Variants in ICAM2 observed in about 807,000 individuals in gnomAD.
ICAM2 encodes ICAM-2.
ICAM2 carries 14 observed loss-of-function variants against 19.1 expected under a neutral mutation model. The observed-to-expected ratio is 0.73, with a 90% confidence interval of 0.48 to 1.15. The LOEUF is 1.15. ICAM2 is among the 50% of genes most tolerant of loss of function. The pLI is 0.00. For missense variants in ICAM2, 311 were observed against 355.4 expected, an observed-to-expected ratio of 0.88 and a Z score of 1.00; for synonymous variants, 153 against 152.7, an observed-to-expected ratio of 1.00 and a Z score of -0.01.
intron 4 of ICAM2, 62 bp from the exon 5 acceptor site, chr17:64,002,987 G>A: frequency 2.0e-6 from 3 of 1,512,546 alleles, no homozygotes; most frequent in Non-Finnish European, 2.7e-6. Context: ...GGGACCAAAA[G>A]GGAGTGGAAG....
chr17:64,005,017 C>G (rs1395540913), intron 3 of ICAM2, 90 bp downstream of exon 3: 1 of 1,451,962 alleles, frequency 6.9e-7, no homozygotes, highest in African/African-American at 1.4e-5. Context: ...TGACAGTGCC[C>G]AGGAGCAGGC....
intron 1 of ICAM2, among the ~76,000 whole-genome samples, chr17:64,015,341 T>G (rs1911679659): frequency 6.6e-6 from 1 of 152,196 alleles, no homozygotes; most frequent in African/African-American, 2.4e-5. Context: ...GGAATTGAAG[T>G]AGATCAAGTC....
At chr17:64,004,340 G>A (rs1598016783) in intron 3 of ICAM2, 3 of 214,832 alleles carry the variant, frequency 1.4e-5, no homozygotes, top group East Asian at 2.3e-4. Flanking sequence ...ACTGGAACTG[G>A]GCACTGGAGG....
At chr17:64,010,210 G>C (rs1012849046) in intron 1 of ICAM2, among the ~76,000 whole-genome samples, 9 of 152,202 alleles carry the variant, frequency 5.9e-5, no homozygotes, top group Non-Finnish European at 1.3e-4. Context: ...CTGCACAGCA[G>C]TGGGCCTACA....
intron 1 of ICAM2, among the ~76,000 whole-genome samples, chr17:64,009,015 C>T (rs887352583): frequency 2.0e-5 from 3 of 152,176 alleles, no homozygotes; most frequent in African/African-American, 4.8e-5. Context: ...TGGGACACAC[C>T]GGGCATGTGA....
intron 2 of ICAM2, 200 bp downstream of exon 2, chr17:64,006,431 G>A (rs1385011435): frequency 2.5e-5 from 14 of 566,670 alleles, no homozygotes; most frequent in Non-Finnish European, 4.1e-5. Flanking sequence ...CGAGCCCAGG[G>A]AGGTGCAGTG....
intron 3 of ICAM2, 112 bp from the exon 4 acceptor site, chr17:64,004,076 G>A (rs1381879148): frequency 4.9e-6 from 4 of 823,994 alleles, no homozygotes; most frequent in Admixed American, 2.6e-5. Context: ...TGGGGAGGAG[G>A]TGGCCTGGCC....
rs190671482 is a variant in ICAM2 at position 64,018,034 on chromosome 17, G to A, written c.-45+2489C>T. ...TTGTCAATCATAAAATCAACAATTG[G>A]TATCTTTGACTAAGATACAAAGAAA... On this transcript the variant is annotated intron_variant, in intron 1 of 4. Coordinates refer to ENST00000579788, the MANE Select transcript of ICAM2 (RefSeq NM_001099789.2). Among the ~76,000 whole-genome samples the A allele has an allele frequency of 1.3e-3, 192 of 152,212 alleles. 1 individual carries two copies. Among genetic ancestry groups the A allele is most frequent in the African/African-American group, 4.3e-3 (178 of 41,526 alleles).
At chr17:64,008,799 T>C (rs1308564882) in intron 1 of ICAM2, among the ~76,000 whole-genome samples, 1 of 152,034 alleles carries the variant, frequency 6.6e-6, no homozygotes, top group Non-Finnish European at 1.5e-5. Context: ...GAAGGTGGGG[T>C]GATCCATGCC....
intron 3 of ICAM2, 161 bp downstream of exon 3, chr17:64,004,946 A>T: frequency 2.6e-6 from 2 of 781,244 alleles, no homozygotes; most frequent in Non-Finnish European, 4.2e-6. Context: ...GCATCCAACC[A>T]AGGGCTGGCC....
At position 64,006,641 on chromosome 17, in the gene ICAM2, G is replaced by C. The variant is rs1347474678; in HGVS notation, c.51C>G (p.Ile17Met). ...RTLTVALFTLICCPGSDEKVF... is the reference protein window; with the variant it reads ...RTLTVALFTLMCCPGSDEKVF... ...AGGAAACTGGCTTACCTGGACAGCA[G>C]ATCAGGGTGAAGAGGGCCACAGTCA... Residue 17 changes from isoleucine to methionine, a missense_variant, in exon 2 of 5, where the codon ATC becomes ATG. Physicochemically the swap from Ile to Met is conservative, Grantham distance 10. Coordinates refer to ENST00000579788, the MANE Select transcript of ICAM2 (RefSeq NM_001099789.2). 6.2e-7 allele frequency: 1 copy of C among 1,614,156 alleles called. No homozygotes were observed. The highest frequency in any genetic ancestry group is 2.2e-5 in the East Asian group (1 of 44,886).
intron 1 of ICAM2, among the ~76,000 whole-genome samples, chr17:64,013,604 C>A (rs947461480): frequency 2.0e-5 from 3 of 151,908 alleles, no homozygotes; most frequent in Admixed American, 1.3e-4. Flanking sequence ...GGTTGAAAGT[C>A]AAAGGATGAA....
chr17:64,014,081 C>T (rs1270587520), intron 1 of ICAM2, among the ~76,000 whole-genome samples: 1 of 151,924 alleles, frequency 6.6e-6, no homozygotes, highest in East Asian at 1.9e-4. Context: ...TTTATAAATT[C>T]CTAAAATTGA....
intron 3 of ICAM2, chr17:64,004,170 G>A: frequency 1.8e-6 from 1 of 558,174 alleles, no homozygotes; most frequent in South Asian, 2.5e-5. Flanking sequence ...ATGGTTTCCG[G>A]TGACCAGGTG....
At position 64,005,353 on chromosome 17, in the gene ICAM2, C is replaced by T. The variant is rs1567845806; in HGVS notation, c.82G>A (p.Glu28Lys). ...AGCTTCTTTGGCCTCACGTGTACCT[C>T]GAATACCTTCTCATCCGATCCTGGA... is the stretch of plus-strand genomic sequence containing the variant. Reference protein sequence around the residue: ...CCPGSDEKVFEVHVRPKKLAV... With the variant: ...CCPGSDEKVFKVHVRPKKLAV... The change falls in exon 3 of 5, where the codon GAG (glutamate) becomes AAG (lysine). Residue 28 changes from glutamate to lysine, a missense_variant. By Grantham distance (56) the Glu-to-Lys change is moderately conservative. Coordinates refer to ENST00000579788, the MANE Select transcript of ICAM2 (RefSeq NM_001099789.2). 6.2e-6 allele frequency: 10 copies of T among 1,613,788 alleles called. No individual in the cohort carries two copies. Among genetic ancestry groups the T allele is most frequent in the East Asian group, 4.5e-5 (2 of 44,870 alleles).
Position 64,005,210 on chromosome 17 carries a change from C to T in ICAM2, c.225G>A (p.Trp75Ter). The T allele has an allele frequency of 6.2e-7, 1 of 1,614,156 alleles. No individual in the cohort carries two copies. The highest frequency in any genetic ancestry group is 8.5e-7 in the Non-Finnish European group (1 of 1,180,026). Residue 75 changes from tryptophan to a stop codon, truncating the protein, a stop_gained, in exon 3 of 5, where the codon TGG becomes TGA. Coordinates refer to ENST00000579788, the MANE Select transcript of ICAM2 (RefSeq NM_001099789.2). LOFTEE classifies it high-confidence loss of function. The part of the protein sequence containing the change: ...DKILLDEQAQ[W>*]KHYLVSNISH... ...AGATGTTTGAGACCAAGTAATGTTT[C>T]CACTGAGCCTGTTCGTCCAGCAGAA...
intron 1 of ICAM2, chr17:64,007,680 G>C (rs1384658540): frequency 6.6e-6 from 1 of 152,302 alleles, no homozygotes; most frequent in Non-Finnish European, 1.5e-5. Flanking sequence ...CACAGACAGA[G>C]AATGGGGTCA....
chr17:64,008,653 G>A (rs3021488), intron 1 of ICAM2, among the ~76,000 whole-genome samples: 2 of 152,204 alleles, frequency 1.3e-5, no homozygotes, highest in Non-Finnish European at 2.9e-5. Flanking sequence ...CATGGTGACT[G>A]TTGAAGCCCG....
At chr17:64,003,447 C>T (rs1910949460) in intron 4 of ICAM2, 197 bp downstream of exon 4, 1 of 602,678 alleles carries the variant, frequency 1.7e-6, no homozygotes, top group South Asian at 2.0e-5. Context: ...TTGACCTCTC[C>T]CGACCTCTGG....
Sources: allele counts gnomAD v4.1 joint callset (sites outside exome capture counted in the v4.1 genomes callset), GRCh38; gene constraint gnomAD v4.1.1; transcripts MANE v1.5; gene names NCBI Gene and HGNC (gene_info 2026-07-23, HGNC 2026-07-21).